The following ALDH2 variants were observed in gnomAD, a reference collection of about 807,000 sequenced individuals.
The protein encoded by ALDH2 is aldehyde dehydrogenase, mitochondrial.
A neutral mutation model predicts 59.6 loss-of-function variants in ALDH2; 44 were observed. That is an observed-to-expected ratio of 0.74 (90% CI 0.58 to 0.95). The LOEUF is 0.95. ALDH2 is among the 40% of genes least tolerant of loss of function. ALDH2 has a pLI of 0.00. For synonymous variants in ALDH2, 291 were observed against 284.0 expected (o/e 1.02, Z -0.25); for missense variants, 570 against 696.3 (o/e 0.82, Z 2.04).
In ALDH2 at chr12:111,798,131, A is replaced by C; in HGVS notation, c.1137A>C (p.Gln379His). 6.2e-7 allele frequency: 1 copy of C among 1,614,022 alleles called. No homozygotes were observed. The highest frequency in any genetic ancestry group is 2.2e-5 in the East Asian group (1 of 44,882). ...KILGYINTGKQEGAKLLCGGG... is the reference protein window; with the variant it reads ...KILGYINTGKHEGAKLLCGGG... ...TCGGCTACATCAACACGGGGAAGCA[A>C]GAGGGGGCGAAGCTGCTGTGTGGTG... Residue 379 changes from glutamine to histidine, a missense_variant, in exon 10 of 13, where the codon CAA becomes CAC. Coordinates refer to ENST00000261733, the MANE Select transcript of ALDH2 (RefSeq NM_000690.4).
chr12:111,789,773 G>A (rs1341111750), intron 4 of ALDH2, 50 bp from the exon 5 acceptor site: 4 of 1,497,856 alleles, frequency 2.7e-6, no homozygotes, highest in African/African-American at 1.4e-5. Context: ...AGGGTTTGCA[G>A]GGGTCCCTGA....
intron 3 of ALDH2, among the ~76,000 whole-genome samples, chr12:111,784,101 C>T (rs949061364): frequency 1.4e-4 from 22 of 152,316 alleles, no homozygotes; most frequent in Admixed American, 1.2e-3. Context: ...ATAAAATCCT[C>T]AACATGGTCT....
chr12:111,796,977 T>C (rs2068409980), intron 9 of ALDH2, among the ~76,000 whole-genome samples: 1 of 152,088 alleles, frequency 6.6e-6, no homozygotes, highest in African/African-American at 2.4e-5. Context: ...TTTTTTTTTT[T>C]TTTTGAGACG....
chr12:111,805,442 A>T (rs527986045), intron 12 of ALDH2, among the ~76,000 whole-genome samples: 1 of 151,948 alleles, frequency 6.6e-6, no homozygotes, highest in South Asian at 2.1e-4. Flanking sequence ...CTCGCATCTC[A>T]GTCTCCCGAG....
chr12:111,809,507 C>T, intron 12 of ALDH2, 36 bp from the exon 13 acceptor site: 1 of 1,613,594 alleles, frequency 6.2e-7, no homozygotes, highest in Non-Finnish European at 8.5e-7. Context: ...CACAGGGAAG[C>T]AGGAAGATCT....
intron 11 of ALDH2, among the ~76,000 whole-genome samples, chr12:111,801,591 C>G (rs2068451619): frequency 6.6e-6 from 1 of 151,212 alleles, no homozygotes; most frequent in South Asian, 2.1e-4. Flanking sequence ...CCCAGCTACT[C>G]GGGAGGCTGA....
chr12:111,785,451 C>G, intron 4 of ALDH2, 105 bp downstream of exon 4: 1 of 986,940 alleles, frequency 1.0e-6, no homozygotes. Context: ...GGGCAGAGCG[C>G]GGTATCTCAT....
intron 9 of ALDH2, among the ~76,000 whole-genome samples, chr12:111,796,140 G>A (rs988410481): frequency 6.6e-6 from 1 of 150,864 alleles, no homozygotes; most frequent in African/African-American, 2.4e-5. Context: ...TGGCCAACAC[G>A]GTGAAACCTC....
intron 4 of ALDH2, among the ~76,000 whole-genome samples, chr12:111,786,588 C>G (rs1245237817): frequency 6.6e-6 from 1 of 151,834 alleles, no homozygotes; most frequent in Non-Finnish European, 1.5e-5. Flanking sequence ...CACTCTTGCC[C>G]AGGCTGGAGT....
At position 111,793,585 on chromosome 12, in the gene ALDH2, G is replaced by GTT. The variant is rs35264878; in HGVS notation, c.1083+813_1083+814dup. Among the ~76,000 whole-genome samples, 158 of 147,666 alleles carry GTT rather than the reference G, an allele frequency of 1.1e-3. 1 individual carries two copies. The highest frequency in any genetic ancestry group is 3.8e-3 in the African/African-American group (152 of 40,390). ...ACTTAGGTCTGTAGTGTATATTCGG[G>GTT]TTTTTTTTTTTAATTTTTATTTTTT... On this transcript the variant is annotated intron_variant, in intron 9 of 12. Coordinates refer to ENST00000261733, the MANE Select transcript of ALDH2 (RefSeq NM_000690.4).
intron 9 of ALDH2, among the ~76,000 whole-genome samples, chr12:111,796,054 A>AT (rs1277373235): frequency 3.3e-5 from 5 of 151,758 alleles, no homozygotes; most frequent in South Asian, 4.2e-4. Context: ...TGAGCCCAGG[A>AT]TTTCGAGATC....
chr12:111,767,163 C>T (rs912743682), intron 1 of ALDH2, 67 bp downstream of exon 1: 9 of 1,286,378 alleles, frequency 7.0e-6, no homozygotes, highest in Non-Finnish European at 9.2e-6. Context: ...CCTAGGAAGG[C>T]CCCGCGCCGC....
At chr12:111,788,647 C>G (rs1043934325) in intron 4 of ALDH2, among the ~76,000 whole-genome samples, 13 of 152,162 alleles carry the variant, frequency 8.5e-5, no homozygotes, top group Non-Finnish European at 1.9e-4. Flanking sequence ...AATGCCTGGG[C>G]TTGCATAGAT....
At chr12:111,805,299 G>A (rs749748149) in intron 12 of ALDH2, among the ~76,000 whole-genome samples, 1 of 152,070 alleles carries the variant, frequency 6.6e-6, no homozygotes, top group African/African-American at 2.4e-5. Context: ...TGGGAGGATC[G>A]CTTGAGCCAC....
At chr12:111,809,032 G>C (rs1371162334) in intron 12 of ALDH2, among the ~76,000 whole-genome samples, 1 of 152,102 alleles carries the variant, frequency 6.6e-6, no homozygotes, top group African/African-American at 2.4e-5. Flanking sequence ...GTTGTGTTTG[G>C]GGTACCTGTC....
At position 111,810,086 on chromosome 12, in the gene ALDH2, C is replaced by T. The variant is rs1356510289; in HGVS notation, c.*511C>T. ...GGGAAGCCGAGGCGGGTGGATCACTCGAGGTCAGGAGTTTGAGACCAGCCT... is the reference window on the plus strand; with the variant it reads ...GGGAAGCCGAGGCGGGTGGATCACTTGAGGTCAGGAGTTTGAGACCAGCCT... On this transcript the variant is annotated 3_prime_UTR_variant, in exon 13 of 13. Coordinates refer to ENST00000261733, the MANE Select transcript of ALDH2 (RefSeq NM_000690.4). 8 of 171,636 alleles carry T rather than the reference C, an allele frequency of 4.7e-5. No homozygotes were observed. Among genetic ancestry groups the T allele is most frequent in the East Asian group, 2.4e-4 (2 of 8,458 alleles). The allele number at this position is 171,636 out of a possible 1,614,324, so 10.6% of individuals were successfully genotyped here. A position where few individuals can be genotyped will look rare whatever the true frequency, so the allele number is the denominator to read the frequency against.
chr12:111,791,271 G>A, intron 6 of ALDH2, 35 bp from the exon 7 acceptor site: 1 of 1,520,686 alleles, frequency 6.6e-7, no homozygotes, highest in Middle Eastern at 1.7e-4. Context: ...GAATAGGAGG[G>A]TGACTCCCAA....
At position 111,810,449 on chromosome 12, in the gene ALDH2, T is replaced by C. The variant is rs1458577069; in HGVS notation, c.*874T>C. ...TACTTTTTTATTTTAATTACACCAATAAGAATGTGCTTGAATGTTTCATGC... is the reference window on the plus strand; with the variant it reads ...TACTTTTTTATTTTAATTACACCAACAAGAATGTGCTTGAATGTTTCATGC... On this transcript the variant is annotated 3_prime_UTR_variant, in exon 13 of 13. Coordinates refer to ENST00000261733, the MANE Select transcript of ALDH2 (RefSeq NM_000690.4). 6.6e-6 allele frequency: 1 copy of C among 152,186 alleles called. No homozygotes were observed. The highest frequency in any genetic ancestry group is 1.5e-5 in the Non-Finnish European group (1 of 68,050). 9.4% of individuals were successfully genotyped at this position (152,186 alleles called of 1,614,324 possible).
At position 111,771,537 on chromosome 12, in the gene ALDH2, C is replaced by T. The variant is rs4767944; in HGVS notation, c.114+4441C>T. On this transcript the variant is annotated intron_variant, in intron 1 of 12. Transcript: ENST00000261733. Reference sequence around the variant, plus strand: ...AATAATCCTCTGCATGTAGCAGTTACAAATCATTGGCTCAACCTGTACAAA... The same window carrying T: ...AATAATCCTCTGCATGTAGCAGTTATAAATCATTGGCTCAACCTGTACAAA... 0.052 allele frequency among the ~76,000 whole-genome samples: 7,853 copies of T among 152,262 alleles called. 1,216 individuals are homozygous for T. In the East Asian group the frequency reaches 0.62, roughly 12 times the overall value.
Sources: allele counts gnomAD v4.1 joint callset (sites outside exome capture counted in the v4.1 genomes callset), GRCh38; gene constraint gnomAD v4.1.1; transcripts MANE v1.5; gene names NCBI Gene and HGNC (gene_info 2026-07-23, HGNC 2026-07-21).